GLT1D1: variants seen among roughly 807,000 people sequenced by gnomAD.
GLT1D1 encodes the protein glycosyltransferase 1 domain-containing protein 1.
A neutral mutation model predicts 28.7 loss-of-function variants in GLT1D1; 21 were observed. That is an observed-to-expected ratio of 0.73 (90% CI 0.52 to 1.05). The LOEUF (loss-of-function observed/expected upper bound fraction) is 1.05. Among genes scored for constraint, GLT1D1 ranks in the 50% least tolerant of loss-of-function variants. The pLI is 0.00. For missense variants in GLT1D1, 343 were observed against 330.6 expected (o/e 1.04, Z -0.29); for synonymous variants, 147 against 124.8 (o/e 1.18, Z -1.19).
chr12:128,913,066 C>T (rs1328933748), intron 4 of GLT1D1, among the ~76,000 whole-genome samples: 2 of 152,140 alleles, frequency 1.3e-5, no homozygotes, highest in East Asian at 1.9e-4. Flanking sequence ...TTGGAAAAAA[C>T]AAACCAAACC....
At chr12:128,905,276 C>A (rs1870737399) in intron 4 of GLT1D1, among the ~76,000 whole-genome samples, 1 of 152,244 alleles carries the variant, frequency 6.6e-6, no homozygotes, top group Non-Finnish European at 1.5e-5. Context: ...GTATTTTACA[C>A]TCACAGCACA....
chr12:128,874,126 CTT>C (rs1491355830), intron 1 of GLT1D1, among the ~76,000 whole-genome samples: 651 of 37,756 alleles, frequency 0.017, 15 homozygotes, highest in African/African-American at 0.028. Flanking sequence ...CTCTCTCTCT[CTT>C]TCTTTCTTTC....
intron 6 of GLT1D1, among the ~76,000 whole-genome samples, chr12:128,955,224 T>C (rs944570530): frequency 6.6e-6 from 1 of 152,202 alleles, no homozygotes; most frequent in African/African-American, 2.4e-5. Context: ...ACTGAAAGAA[T>C]GGTACAGCAA....
chr12:128,879,813 C>T (rs1956993977), intron 2 of GLT1D1, among the ~76,000 whole-genome samples: 1 of 152,166 alleles, frequency 6.6e-6, no homozygotes, highest in Non-Finnish European at 1.5e-5. Context: ...ATTTTATTCC[C>T]ACAAGTGGGA....
intron 4 of GLT1D1, among the ~76,000 whole-genome samples, chr12:128,919,045 A>G (rs1373951149): frequency 6.6e-6 from 1 of 152,230 alleles, no homozygotes; most frequent in Admixed American, 6.5e-5. Flanking sequence ...AGTGGCAGAT[A>G]ACGGCTTAAG....
rs370790410 is a variant in GLT1D1 at position 128,879,376 on chromosome 12, CTTTT to C, written c.217+3316_217+3319del. 5.2e-3 allele frequency among the ~76,000 whole-genome samples: 436 copies of C among 83,916 alleles called. 30 individuals are homozygous for C. Among genetic ancestry groups the C allele is most frequent in the Middle Eastern group, 7.9e-3 (1 of 126 alleles). The allele number at this position is 83,916 out of a possible 152,430, so 55.1% of individuals were successfully genotyped here. A position where few individuals can be genotyped will look rare whatever the true frequency, so the allele number is the denominator to read the frequency against. On this transcript the variant is annotated intron_variant, in intron 2 of 7. Coordinates refer to ENST00000281703, the MANE Select transcript of GLT1D1 (RefSeq NM_144669.3). ...GTAAAGTGATACTTATTATTTTTTT[CTTTT>C]TCTTTCTTTCTTTCTTTCTTTCTTT... is the stretch of plus-strand genomic sequence containing the variant.
intron 4 of GLT1D1, among the ~76,000 whole-genome samples, chr12:128,925,002 G>A (rs993410018): frequency 1.3e-5 from 2 of 151,476 alleles, no homozygotes; most frequent in Non-Finnish European, 2.9e-5. Flanking sequence ...GGGAAACAAT[G>A]CTGCTTCTTT....
intron 1 of GLT1D1, among the ~76,000 whole-genome samples, chr12:128,855,988 G>T (rs10847703): frequency 6.6e-6 from 1 of 151,928 alleles, no homozygotes; most frequent in Non-Finnish European, 1.5e-5. Flanking sequence ...CTGACCTCAC[G>T]TGATCCTTTG....
chr12:128,904,091 C>T (rs1430689574), intron 4 of GLT1D1, among the ~76,000 whole-genome samples: 2 of 151,722 alleles, frequency 1.3e-5, no homozygotes, highest in Non-Finnish European at 2.9e-5. Flanking sequence ...AGAGTGAGCC[C>T]TTTATGTGCC....
intron 4 of GLT1D1, among the ~76,000 whole-genome samples, 189 bp from the exon 6 acceptor site, chr12:128,914,744 C>T (rs1001987556): frequency 2.6e-5 from 4 of 151,962 alleles, no homozygotes; most frequent in South Asian, 2.1e-4. Context: ...CGCTTCAAAC[C>T]GGGAAGAGGA....
chr12:128,927,487 C>T (rs1039002924), intron 4 of GLT1D1, among the ~76,000 whole-genome samples: 2 of 148,858 alleles, frequency 1.3e-5, no homozygotes, highest in Non-Finnish European at 3.0e-5. Context: ...ATCCACACGC[C>T]TCGGCCTCCC....
chr12:128,969,769 C>T (rs3847760), intron 7 of GLT1D1, among the ~76,000 whole-genome samples: 74,085 of 152,092 alleles, frequency 0.49, 19,363 homozygotes, highest in Non-Finnish European at 0.58. Flanking sequence ...GCTCAGTCCC[C>T]ACCTCTGAGA....
intron 7 of GLT1D1, among the ~76,000 whole-genome samples, chr12:128,979,821 A>T (rs1880145430): frequency 6.6e-6 from 1 of 152,032 alleles, no homozygotes. Flanking sequence ...AGCCCAGCCT[A>T]CCTCATCAGT....
chr12:128,860,884 G>T (rs574633962), intron 1 of GLT1D1, among the ~76,000 whole-genome samples: 3 of 152,236 alleles, frequency 2.0e-5, no homozygotes, highest in African/African-American at 7.2e-5. Context: ...CCGTCCTCAC[G>T]GAACCGGGGA....
intron 2 of GLT1D1, among the ~76,000 whole-genome samples, chr12:128,888,068 T>C (rs1868601102): frequency 6.6e-6 from 1 of 152,206 alleles, no homozygotes; most frequent in Non-Finnish European, 1.5e-5. Flanking sequence ...ACATACTCCC[T>C]TTGCAAATTC....
intron 4 of GLT1D1, 95 bp from the exon 6 acceptor site, chr12:128,914,838 G>A (rs979814602): frequency 1.2e-6 from 1 of 845,798 alleles, no homozygotes; most frequent in Non-Finnish European, 1.9e-6. Flanking sequence ...AAGAATAATA[G>A]TAATAATAAT....
chr12:128,865,655 C>T (rs1404669924), intron 1 of GLT1D1, among the ~76,000 whole-genome samples: 2 of 152,108 alleles, frequency 1.3e-5, no homozygotes, highest in East Asian at 3.9e-4. Flanking sequence ...AAATCCATCT[C>T]TATTAAAAAT....
At chr12:128,902,246 G>A (rs1195197566) in intron 4 of GLT1D1, among the ~76,000 whole-genome samples, 2 of 151,286 alleles carry the variant, frequency 1.3e-5, no homozygotes, top group African/African-American at 4.9e-5. Context: ...CACTTTGGGA[G>A]GCCGAGGTGG....
chr12:128,947,223 C>A, intron 5 of GLT1D1, 115 bp from the exon 10 acceptor site: 1 of 1,193,046 alleles, frequency 8.4e-7, no homozygotes, highest in Non-Finnish European at 1.2e-6. Context: ...GCTTGGTCAA[C>A]AATGCTTACT....
Sources: allele counts gnomAD v4.1 joint callset (sites outside exome capture counted in the v4.1 genomes callset), GRCh38; gene constraint gnomAD v4.1.1; transcripts MANE v1.5; gene names NCBI Gene and HGNC (gene_info 2026-07-23, HGNC 2026-07-21).